WDR70: variants seen among roughly 807,000 people sequenced by gnomAD.
WDR70 encodes WD repeat domain 70, also known as WD repeat-containing protein 70.
A neutral mutation model predicts 88.6 loss-of-function variants in WDR70; 53 were observed. The observed-to-expected ratio is 0.60, with a 90% confidence interval of 0.48 to 0.75. The LOEUF (loss-of-function observed/expected upper bound fraction) is 0.75, where lower values mean the gene tolerates loss of function less well. Ranked by LOEUF, WDR70 falls within the 30% of genes least tolerant of loss-of-function variation. WDR70 has a pLI of 0.00. For missense variants in WDR70, 610 were observed against 823.2 expected (o/e 0.74, Z 3.17); for synonymous variants, 280 against 270.0 (o/e 1.04, Z -0.36).
chr5:37,605,134 G>T lies in WDR70; in HGVS notation c.988G>T (p.Gly330Cys). 1 of 1,613,026 alleles carries T rather than the reference G, an allele frequency of 6.2e-7. No homozygotes were observed. Among genetic ancestry groups the T allele is most frequent in the Non-Finnish European group, 8.5e-7 (1 of 1,179,438 alleles). Residue 330 changes from glycine to cysteine, a missense_variant, in exon 10 of 18, where the codon GGC (glycine) becomes TGC (cysteine). By Grantham distance (159) the Gly-to-Cys change is radical (BLOSUM62 -3). Around this residue, in one of 4 missense-constraint regions of WDR70, gnomAD observed 254 missense variants for 300.7 expected, o/e 0.84. Coordinates refer to ENST00000265107, the MANE Select transcript of WDR70 (RefSeq NM_018034.4). ...KSVFKPRTMQ[G>C]KKVIPTTCTY... ...TGTGTTTAAACCACGGACGATGCAA[G>T]GCAAAAAAGTCATTCCCACTACGTG...
chr5:37,638,832 T>G (rs994075308), intron 10 of WDR70, among the ~76,000 whole-genome samples: 3 of 152,208 alleles, frequency 2.0e-5, no homozygotes, highest in African/African-American at 7.2e-5. Flanking sequence ...AAGTAATAAC[T>G]GACACCTCAG....
chr5:37,381,823 G>A, intron 3 of WDR70, 138 bp downstream of exon 3: 1 of 701,578 alleles, frequency 1.4e-6, no homozygotes. Flanking sequence ...GGAGGCCAAG[G>A]CGGGCAGATC....
chr5:37,639,371 G>A (rs1745048807), intron 10 of WDR70, among the ~76,000 whole-genome samples: 1 of 152,136 alleles, frequency 6.6e-6, no homozygotes, highest in South Asian at 2.1e-4. Flanking sequence ...TCTATAAAAG[G>A]AAAGACACAA....
chr5:37,666,206 T>C (rs188659640), intron 10 of WDR70, among the ~76,000 whole-genome samples: 4 of 152,290 alleles, frequency 2.6e-5, no homozygotes, highest in African/African-American at 9.6e-5. Context: ...AAAAGCTGAA[T>C]TGGGATCTGC....
At chr5:37,573,887 G>A (rs1484208276) in intron 9 of WDR70, among the ~76,000 whole-genome samples, 3 of 152,088 alleles carry the variant, frequency 2.0e-5, no homozygotes, top group African/African-American at 4.8e-5. Context: ...CCCTCAGCAC[G>A]CTGGATCATT....
At chr5:37,420,019 G>A (rs28445341) in intron 5 of WDR70, among the ~76,000 whole-genome samples, 5,397 of 152,070 alleles carry the variant, frequency 0.035, 331 homozygotes, top group African/African-American at 0.12. Flanking sequence ...GATTACAGGC[G>A]TGAGCCACCG....
chr5:37,634,298 C>CA (rs34755579), intron 10 of WDR70, among the ~76,000 whole-genome samples: 54,053 of 105,728 alleles, frequency 0.51, 12,587 homozygotes, highest in Non-Finnish European at 0.6. Flanking sequence ...GACCCTGTCT[C>CA]AAAAAAAAAA....
At chr5:37,468,287 T>C (rs1352298731) in intron 7 of WDR70, among the ~76,000 whole-genome samples, 4 of 152,198 alleles carry the variant, frequency 2.6e-5, no homozygotes, top group Non-Finnish European at 4.4e-5. Flanking sequence ...ACAATACCAA[T>C]AATGTTTCAG....
At chr5:37,665,900 C>T (rs1053820880) in intron 10 of WDR70, among the ~76,000 whole-genome samples, 2 of 152,216 alleles carry the variant, frequency 1.3e-5, no homozygotes, top group African/African-American at 2.4e-5. Context: ...GCCCGCCACC[C>T]TCTCCTCTGC....
At chr5:37,402,196 T>C (rs1749216825) in intron 5 of WDR70, among the ~76,000 whole-genome samples, 1 of 152,186 alleles carries the variant, frequency 6.6e-6, no homozygotes, top group Non-Finnish European at 1.5e-5. Flanking sequence ...TATCTTTCTG[T>C]GCCTGGCTTA....
At chr5:37,593,564 G>C (rs1416456416) in intron 9 of WDR70, among the ~76,000 whole-genome samples, 2 of 152,200 alleles carry the variant, frequency 1.3e-5, no homozygotes, top group African/African-American at 4.8e-5. Context: ...GGACATTTGG[G>C]TCGGTTCCAA....
chr5:37,548,755 G>T (rs564324659), intron 9 of WDR70, among the ~76,000 whole-genome samples: 2 of 152,018 alleles, frequency 1.3e-5, no homozygotes, highest in African/African-American at 4.8e-5. Flanking sequence ...ATGTTTTCTC[G>T]TAGTATTTTC....
At chr5:37,700,736 G>T (rs1280760563) in intron 11 of WDR70, among the ~76,000 whole-genome samples, 1 of 152,150 alleles carries the variant, frequency 6.6e-6, no homozygotes, top group African/African-American at 2.4e-5. Context: ...TCATACTTCA[G>T]AGTAGATTCT....
At chr5:37,658,104 TATTA>T (rs1471400892) in intron 10 of WDR70, among the ~76,000 whole-genome samples, 2 of 151,834 alleles carry the variant, frequency 1.3e-5, no homozygotes, top group African/African-American at 2.4e-5. Flanking sequence ...AGAAAAAACA[TATTA>T]ATTAAGTGGA....
At chr5:37,637,339 T>TTAAATAAATAAA (rs34958458) in intron 10 of WDR70, among the ~76,000 whole-genome samples, 93 of 145,090 alleles carry the variant, frequency 6.4e-4, no homozygotes, top group Middle Eastern at 3.5e-3. Flanking sequence ...AATAAATAAA[T>TTAAATAAATAAA]TAAATAAATA....
intron 9 of WDR70, among the ~76,000 whole-genome samples, chr5:37,570,186 A>G (rs1017805121): frequency 5.9e-5 from 9 of 152,246 alleles, no homozygotes; most frequent in Admixed American, 2.0e-4. Flanking sequence ...AGTGAAAGGC[A>G]AAATTGACAG....
chr5:37,533,045 C>T (rs370121908), intron 9 of WDR70, among the ~76,000 whole-genome samples: 4 of 152,152 alleles, frequency 2.6e-5, no homozygotes, highest in African/African-American at 9.7e-5. Context: ...TGAGTCTAGC[C>T]GTCCAGTGGA....
intron 5 of WDR70, among the ~76,000 whole-genome samples, chr5:37,402,220 A>C (rs1286029815): frequency 6.6e-6 from 1 of 151,894 alleles, no homozygotes; most frequent in Non-Finnish European, 1.5e-5. Flanking sequence ...CACTTAACAC[A>C]ATGTCCTGTA....
At chr5:37,470,963 C>T (rs1303373950) in intron 7 of WDR70, among the ~76,000 whole-genome samples, 2 of 151,956 alleles carry the variant, frequency 1.3e-5, no homozygotes, top group Non-Finnish European at 2.9e-5. Context: ...TCTCAGCTCA[C>T]TTCAACCTCT....
Sources: allele counts gnomAD v4.1 joint callset (sites outside exome capture counted in the v4.1 genomes callset), GRCh38; gene constraint gnomAD v4.1.1; regional missense constraint gnomAD v4.1.1; transcripts MANE v1.5; gene names NCBI Gene and HGNC (gene_info 2026-07-23, HGNC 2026-07-21).